The following ROBO1 variants were observed in gnomAD, a reference collection of about 807,000 sequenced individuals.
ROBO1 encodes roundabout guidance receptor 1.
In ROBO1, 149 loss-of-function variants were observed where a neutral mutation model predicts 195.9. That is an observed-to-expected ratio of 0.76 (90% CI 0.67 to 0.87). The LOEUF is 0.87. ROBO1 is among the 40% of genes least tolerant of loss of function. The pLI is 0.00. For missense variants in ROBO1, 1,933 were observed against 2,068.3 expected (o/e 0.93, Z 1.27); for synonymous variants, 816 against 733.2 (o/e 1.11, Z -1.82).
At chr3:79,684,855 T>C (rs1947054246) in intron 1 of ROBO1, among the ~76,000 whole-genome samples, 1 of 151,990 alleles carries the variant, frequency 6.6e-6, no homozygotes, top group African/African-American at 2.4e-5. Context: ...TTTTGTATTT[T>C]AGTAGAGACG....
intron 2 of ROBO1, among the ~76,000 whole-genome samples, chr3:79,192,050 C>T (rs1314515545): frequency 2.0e-5 from 3 of 151,442 alleles, no homozygotes; most frequent in African/African-American, 7.3e-5. Flanking sequence ...TAAAATTTAT[C>T]TTGTTTCCTT....
At chr3:78,920,624 GTTTTTTTTTTT>G (rs34364869) in intron 4 of ROBO1, among the ~76,000 whole-genome samples, 7 of 60,962 alleles carry the variant, frequency 1.1e-4, no homozygotes, top group African/African-American at 2.2e-4. Context: ...CTTTCTTTCA[GTTTTTTTTTTT>G]TTTTTTTTTT....
intron 14 of ROBO1, among the ~76,000 whole-genome samples, chr3:78,664,532 C>A (rs1707622302): frequency 6.6e-6 from 1 of 152,180 alleles, no homozygotes; most frequent in Admixed American, 6.5e-5. Context: ...ATAATCAAAT[C>A]TTGTCTTTGG....
At chr3:79,208,187 G>T (rs1319465049) in intron 2 of ROBO1, among the ~76,000 whole-genome samples, 2 of 152,094 alleles carry the variant, frequency 1.3e-5, no homozygotes, top group Admixed American at 6.6e-5. Context: ...CTTCTCTCCA[G>T]TATCACTCAT....
chr3:79,278,233 T>C (rs959870947), intron 2 of ROBO1, among the ~76,000 whole-genome samples: 2 of 152,138 alleles, frequency 1.3e-5, no homozygotes, highest in Non-Finnish European at 2.9e-5. Context: ...AAAATGTCCA[T>C]ACTACCCATA....
At chr3:78,949,892 C>G (rs540406868) in intron 3 of ROBO1, among the ~76,000 whole-genome samples, 1 of 152,134 alleles carries the variant, frequency 6.6e-6, no homozygotes, top group Non-Finnish European at 1.5e-5. Context: ...ATTTATGCAG[C>G]CAAAATCACA....
rs373450320 is a variant in ROBO1, at chr3:79,381,534, C to G, written c.88+208290G>C. Among the ~76,000 whole-genome samples the G allele has an allele frequency of 5.9e-5, 9 of 152,088 alleles. No homozygotes were observed. The South Asian group carries it at 1.0e-3, about 18-fold the overall frequency. On this transcript the variant is annotated intron_variant, in intron 2 of 30. Transcript: ENST00000464233. ...TGTCACTATCACTGTTTTTCCATCC[C>G]TGTAAACTGTTGTAACTTATTCCGC...
intron 3 of ROBO1, among the ~76,000 whole-genome samples, chr3:79,014,147 G>A (rs1027955569): frequency 2.0e-5 from 3 of 152,076 alleles, no homozygotes; most frequent in Non-Finnish European, 2.9e-5. Context: ...GAATTTAAGA[G>A]AATATACACT....
chr3:78,907,577 G>C (rs2037999748), intron 4 of ROBO1, among the ~76,000 whole-genome samples: 1 of 152,022 alleles, frequency 6.6e-6, no homozygotes, highest in South Asian at 2.1e-4. Context: ...ATATGTGGTA[G>C]TCCTAGTTAC....
chr3:79,605,192 C>A (rs1443771092), intron 1 of ROBO1, among the ~76,000 whole-genome samples: 1 of 151,618 alleles, frequency 6.6e-6, no homozygotes, highest in Non-Finnish European at 1.5e-5. Flanking sequence ...CTCATATACT[C>A]CTTGTTTTCC....
At chr3:78,930,757 A>G (rs2039476365) in intron 4 of ROBO1, among the ~76,000 whole-genome samples, 1 of 152,160 alleles carries the variant, frequency 6.6e-6, no homozygotes. Flanking sequence ...TCAAACTATC[A>G]ACATTTCTTG....
intron 1 of ROBO1, among the ~76,000 whole-genome samples, chr3:79,712,937 T>C (rs1324257689): frequency 2.0e-5 from 3 of 152,072 alleles, no homozygotes; most frequent in Non-Finnish European, 2.9e-5. Flanking sequence ...GAGTATTTTT[T>C]TTATTGTACT....
At chr3:79,259,987 C>A (rs1031905078) in intron 2 of ROBO1, among the ~76,000 whole-genome samples, 2 of 151,798 alleles carry the variant, frequency 1.3e-5, no homozygotes, top group African/African-American at 4.8e-5. Context: ...CTCCCTTCAC[C>A]AGTTTATCAA....
intron 1 of ROBO1, among the ~76,000 whole-genome samples, chr3:79,728,941 A>C (rs947925954): frequency 3.9e-5 from 6 of 152,176 alleles, no homozygotes; most frequent in African/African-American, 1.4e-4. Context: ...TATTTTAGGA[A>C]ATTTTTTTAA....
chr3:79,629,251 C>T (rs1945268155), intron 1 of ROBO1, among the ~76,000 whole-genome samples: 3 of 151,892 alleles, frequency 2.0e-5, no homozygotes, highest in Admixed American at 2.0e-4. Flanking sequence ...ATATACTGTG[C>T]CATAAAATAA....
chr3:79,392,617 C>G (rs1001273502), intron 2 of ROBO1, among the ~76,000 whole-genome samples: 1 of 152,150 alleles, frequency 6.6e-6, no homozygotes, highest in African/African-American at 2.4e-5. Flanking sequence ...AAAAAATACA[C>G]TTGTGCAGCA....
intron 4 of ROBO1, among the ~76,000 whole-genome samples, chr3:78,861,815 C>T (rs1265793154): frequency 1.3e-5 from 2 of 151,936 alleles, no homozygotes; most frequent in African/African-American, 4.8e-5. Context: ...GATTTTATTC[C>T]CCAAATAGAC....
At chr3:79,217,296 A>G (rs1559742301) in intron 2 of ROBO1, among the ~76,000 whole-genome samples, 4 of 152,052 alleles carry the variant, frequency 2.6e-5, no homozygotes, top group Non-Finnish European at 5.9e-5. Context: ...TAAAACTTCC[A>G]ATTTAACTAA....
At chr3:79,056,442 G>GACCACATTCA (rs767331582) in intron 3 of ROBO1, among the ~76,000 whole-genome samples, 6 of 152,074 alleles carry the variant, frequency 3.9e-5, no homozygotes, top group Non-Finnish European at 7.4e-5. Flanking sequence ...TCGCTCAGGA[G>GACCACATTCA]ACCACATTCA....
Sources: gnomAD v4.1 joint callset for allele counts (sites outside exome capture counted in the v4.1 genomes callset) on GRCh38, gnomAD v4.1.1 for gene constraint, MANE v1.5 for transcripts, NCBI Gene and HGNC (gene_info 2026-07-23, HGNC 2026-07-21) for gene names.